Variants in TCL1A observed in about 807,000 individuals in gnomAD.
TCL1A encodes T-cell leukemia/lymphoma protein 1A.
In TCL1A, 9 loss-of-function variants were observed where a neutral mutation model predicts 16.9. The ratio of observed to expected loss-of-function variants is 0.53; its 90% CI spans 0.32 to 0.93. TCL1A has a LOEUF of 0.93. TCL1A is among the 40% of genes least tolerant of loss of function. The probability of loss-of-function intolerance (pLI) is 0.04; values close to 1 mark genes in which losing one functional copy is unlikely to be tolerated. For synonymous variants in TCL1A, 69 were observed against 63.2 expected (o/e 1.09, Z -0.44); for missense variants, 139 against 153.0 (o/e 0.91, Z 0.48).
chr14:95,714,111 G>A lies in TCL1A; in HGVS notation c.-45C>T. The stretch of plus-strand genomic sequence containing the variant: ...AGAAGCAAGAGCCAGAGCCTCTCAA[G>A]GCCGCTCGCTGGTCCCTGGGATGTG... On this transcript the variant is annotated 5_prime_UTR_variant, in exon 1 of 4. Coordinates refer to ENST00000402399, the MANE Select transcript of TCL1A (RefSeq NM_021966.3). 2 of 1,606,698 alleles carry A rather than the reference G, an allele frequency of 1.2e-6. No homozygotes were observed. The highest frequency in any genetic ancestry group is 1.7e-6 in the Non-Finnish European group (2 of 1,177,858).
At chr14:95,713,663 A>G (rs1886454831) in intron 1 of TCL1A, among the ~76,000 whole-genome samples, 1 of 152,230 alleles carries the variant, frequency 6.6e-6, no homozygotes, top group East Asian at 1.9e-4. Context: ...AAGGATTAGG[A>G]CCCCGAAGCC....
chr14:95,713,596 C>T (rs1886447427), intron 1 of TCL1A, among the ~76,000 whole-genome samples: 1 of 152,252 alleles, frequency 6.6e-6, no homozygotes, highest in Admixed American at 6.5e-5. Context: ...TGGGACCCAC[C>T]TGAGATGATT....
At chr14:95,713,414 A>G (rs1226770621) in intron 1 of TCL1A, among the ~76,000 whole-genome samples, 1 of 152,190 alleles carries the variant, frequency 6.6e-6, no homozygotes, top group East Asian at 1.9e-4. Context: ...ATCACACATT[A>G]AAAAAGTCAA....
intron 1 of TCL1A, among the ~76,000 whole-genome samples, chr14:95,713,209 C>G: frequency 7.0e-6 from 1 of 142,892 alleles, no homozygotes; most frequent in Admixed American, 6.7e-5. Flanking sequence ...ACAGTCAACA[C>G]TCAATAATTT....
Position 95,712,217 on chromosome 14 carries a change from C to T in TCL1A, c.297+3G>A, listed in dbSNP as rs770118221. 9.3e-6 allele frequency: 15 copies of T among 1,614,012 alleles called. No homozygotes were observed. The highest frequency in any genetic ancestry group is 1.2e-5 in the Non-Finnish European group (14 of 1,180,036). ...GATGGACCTCTGGGAGAAAGACACT[C>T]ACCTTGATGTGGTACACTAAGCGCC... On this transcript the variant is annotated splice_donor_region_variant and intron_variant, in intron 2 of 3. Coordinates refer to ENST00000402399, the MANE Select transcript of TCL1A (RefSeq NM_021966.3).
chr14:95,713,541 G>A (rs575576498), intron 1 of TCL1A, among the ~76,000 whole-genome samples: 4 of 152,258 alleles, frequency 2.6e-5, no homozygotes, highest in East Asian at 3.9e-4. Context: ...GCTATGCCTG[G>A]TTGACCCTAA....
At chr14:95,713,445 T>C (rs1024458501) in intron 1 of TCL1A, among the ~76,000 whole-genome samples, 2 of 152,322 alleles carry the variant, frequency 1.3e-5, no homozygotes, top group Admixed American at 1.3e-4. Flanking sequence ...ATACCGGCGC[T>C]TATACTACGA....
chr14:95,712,470 A>C lies in TCL1A; in HGVS notation c.121-74T>G. 2.0e-6 allele frequency: 3 copies of C among 1,535,572 alleles called. No individual in the cohort carries two copies. The Admixed American group carries it at 5.8e-5, about 30-fold the overall frequency. On this transcript the variant is annotated intron_variant, in intron 1 of 3. Coordinates refer to ENST00000402399, the MANE Select transcript of TCL1A (RefSeq NM_021966.3). ...GGCTTCTCCAGGCGCAGAAAACCGG[A>C]ATCCCTCCTGCCAGCCATCCACCCA...
chr14:95,714,084 TAAG>T lies in TCL1A; in HGVS notation c.-21_-19del. On this transcript the variant is annotated 5_prime_UTR_variant, in exon 1 of 4. Coordinates refer to ENST00000402399, the MANE Select transcript of TCL1A (RefSeq NM_021966.3). The stretch of plus-strand genomic sequence containing the variant: ...TCGGCCATGGCGTCCTCGGGCCGCC[TAAG>T]AAGCAAGAGCCAGAGCCTCTCAAGG... 1 of 1,612,636 alleles carries T rather than the reference TAAG, an allele frequency of 6.2e-7. No individual in the cohort carries two copies. Among genetic ancestry groups the T allele is most frequent in the Non-Finnish European group, 8.5e-7 (1 of 1,179,848 alleles).
At position 95,714,051 on chromosome 14, in the gene TCL1A, T is replaced by G. The variant is rs1039209752; in HGVS notation, c.16A>C (p.Thr6Pro). The change falls in exon 1 of 4, where the codon ACA becomes CCA. Residue 6 changes from threonine to proline, a missense_variant. Around this residue, in one of 2 missense-constraint regions of TCL1A, gnomAD observed 94 missense variants for 80.2 expected, o/e 1.17. Transcript: ENST00000402399. ...TGGTCGGTGACTGCCTCCCCGAGTGTCGGGCACTCGGCCATGGCGTCCTCG... is the reference window on the plus strand; with the variant it reads ...TGGTCGGTGACTGCCTCCCCGAGTGGCGGGCACTCGGCCATGGCGTCCTCG... Reference protein sequence around the residue: MAECPTLGEAVTDHPD... With the variant: MAECPPLGEAVTDHPD... 6.2e-7 allele frequency: 1 copy of G among 1,613,924 alleles called. No homozygotes were observed. The highest frequency in any genetic ancestry group is 8.5e-7 in the Non-Finnish European group (1 of 1,180,010).
rs1886486356 is a variant in TCL1A at position 95,713,944 on chromosome 14, T to C, written c.120+3A>G. The C allele has an allele frequency of 6.2e-7, 1 of 1,613,546 alleles. No homozygotes were observed. Among genetic ancestry groups the C allele is most frequent in the Admixed American group, 1.7e-5 (1 of 60,028 alleles). ...TCGCCATCCGCTCCAAAGCTGGCTG[T>C]ACCTCGATGGTTAAGGGCAGCCAGG... is the stretch of plus-strand genomic sequence containing the variant. On this transcript the variant is annotated splice_donor_region_variant and intron_variant, in intron 1 of 3. Transcript: ENST00000402399.
intron 1 of TCL1A, among the ~76,000 whole-genome samples, chr14:95,713,728 C>T (rs1886462524): frequency 6.6e-6 from 1 of 152,192 alleles, no homozygotes; most frequent in Admixed American, 6.5e-5. Context: ...GCACTGGGTC[C>T]ACCCCTTTGA....
chr14:95,713,594 A>T, intron 1 of TCL1A, among the ~76,000 whole-genome samples: 1 of 152,130 alleles, frequency 6.6e-6, no homozygotes, highest in East Asian at 1.9e-4. Context: ...TCTGGGACCC[A>T]CCTGAGATGA....
At chr14:95,712,682 T>A (rs1351589480) in intron 1 of TCL1A, 5 of 1,382,456 alleles carry the variant, frequency 3.6e-6, no homozygotes, top group South Asian at 1.2e-5. Flanking sequence ...CGGCTCACAC[T>A]TGTAATTCCA....
In TCL1A at chr14:95,712,269, C is replaced by T. The variant is rs375262475; in HGVS notation, c.248G>A (p.Arg83Gln). ...GAAACTGGAGTCTGAGGATCGGTAT[C>T]GTCCATCAGGGTAGAGCTGCCACAT... Reference protein sequence around the residue: ...PIMWQLYPDGRYRSSDSSFWR... With the variant: ...PIMWQLYPDGQYRSSDSSFWR... Residue 83 changes from arginine (R) to glutamine (Q), a missense_variant, in exon 2 of 4, where the codon CGA (arginine) becomes CAA (glutamine). Physicochemically the swap from Arg to Gln is conservative, Grantham distance 43 (BLOSUM62 1). Around this residue, in one of 2 missense-constraint regions of TCL1A, gnomAD observed 45 missense variants for 72.8 expected, o/e 0.62. Transcript: ENST00000402399. The T allele has an allele frequency of 6.4e-5, 104 of 1,613,986 alleles. No individual in the cohort carries two copies. In the Middle Eastern group the frequency reaches 6.6e-4, roughly 10 times the overall value.
chr14:95,712,627 C>A (rs77796335), intron 1 of TCL1A: 39,029 of 1,477,472 alleles, frequency 0.026, 796 homozygotes, highest in East Asian at 0.12. Flanking sequence ...GTCTAGCCAC[C>A]CAGACAGGGC....
chr14:95,712,784 A>G lies in TCL1A; in HGVS notation c.121-388T>C, dbSNP rs773203292. 98 of 772,410 alleles carry G rather than the reference A, an allele frequency of 1.3e-4. No homozygotes were observed. The South Asian group carries it at 1.4e-3, about 11-fold the overall frequency. The allele number at this position is 772,410 out of a possible 1,614,324, so 47.8% of individuals were successfully genotyped here. On this transcript the variant is annotated intron_variant, in intron 1 of 3. Transcript: ENST00000402399. ...GAGCGAGACCCTGTATCTACAGGAA[A>G]AAAAAAAAACAACAAAGAAAGAAAG...
At position 95,711,821 on chromosome 14, in the gene TCL1A, G is replaced by A. The variant is rs370455598; in HGVS notation, c.298-19C>T. 4 of 1,607,696 alleles carry A rather than the reference G, an allele frequency of 2.5e-6. No individual in the cohort carries two copies. The African/African-American group carries it at 4.0e-5, about 16-fold the overall frequency. ...CGTCAATCTGAGAGGCAGAGAGAGAGAGAAGGCATTGATCGGCCAGAGCCC... is the reference window on the plus strand; with the variant it reads ...CGTCAATCTGAGAGGCAGAGAGAGAAAGAAGGCATTGATCGGCCAGAGCCC... On this transcript the variant is annotated intron_variant, in intron 2 of 3. Coordinates refer to ENST00000402399, the MANE Select transcript of TCL1A (RefSeq NM_021966.3).
intron 2 of TCL1A, 27 bp downstream of exon 2, chr14:95,712,193 A>G: frequency 2.5e-6 from 4 of 1,613,938 alleles, no homozygotes; most frequent in Non-Finnish European, 3.4e-6. Context: ...AGATCACCCG[A>G]TGGACCTCTG....
Sources: gnomAD v4.1 joint callset for allele counts (sites outside exome capture counted in the v4.1 genomes callset) on GRCh38, gnomAD v4.1.1 for gene constraint, gnomAD v4.1.1 regional missense constraint, MANE v1.5 for transcripts, NCBI Gene and HGNC (gene_info 2026-07-23, HGNC 2026-07-21) for gene names.